Variants in SNX29 observed in about 807,000 individuals in gnomAD.
SNX29 encodes the protein sorting nexin 29.
In SNX29, 78 loss-of-function variants were observed where a neutral mutation model predicts 102.1. That is an observed-to-expected ratio of 0.76 (90% confidence interval 0.64 to 0.92). The LOEUF (loss-of-function observed/expected upper bound fraction) is 0.92. Ranked by LOEUF, SNX29 falls within the 40% of genes least tolerant of loss-of-function variation. The probability of loss-of-function intolerance (pLI) is 0.00; values close to 1 mark genes in which losing one functional copy is unlikely to be tolerated. For missense variants in SNX29, 1,280 were observed against 1,061.7 expected, an observed-to-expected ratio of 1.21 and a Z score of -2.86; for synonymous variants, 580 against 414.5, an observed-to-expected ratio of 1.40 and a Z score of -4.85.
At chr16:11,993,004 A>C (rs1448622576) in intron 1 of SNX29, among the ~76,000 whole-genome samples, 1 of 151,824 alleles carries the variant, frequency 6.6e-6, no homozygotes, top group Non-Finnish European at 1.5e-5. Context: ...TCTACTAAAA[A>C]TACAAAAAAA....
At chr16:12,561,082 A>G (rs540950413) in intron 20 of SNX29, 5 of 225,430 alleles carry the variant, frequency 2.2e-5, no homozygotes, top group African/African-American at 6.7e-5. Context: ...GGATGTCAGC[A>G]TAGTTCACAG....
At chr16:12,303,190 TG>T (rs1372771730) in intron 15 of SNX29, among the ~76,000 whole-genome samples, 1 of 151,444 alleles carries the variant, frequency 6.6e-6, no homozygotes, top group Non-Finnish European at 1.5e-5. Flanking sequence ...TAGTTGCTTT[TG>T]TTTTTTTTAA....
intron 15 of SNX29, among the ~76,000 whole-genome samples, chr16:12,342,910 C>G (rs2081655448): frequency 6.6e-6 from 1 of 152,234 alleles, no homozygotes; most frequent in Non-Finnish European, 1.5e-5. Flanking sequence ...GCTGCATACC[C>G]CTTCCTGGGA....
At chr16:12,189,617 G>A (rs893599038) in intron 13 of SNX29, among the ~76,000 whole-genome samples, 6 of 152,030 alleles carry the variant, frequency 3.9e-5, no homozygotes, top group Admixed American at 3.9e-4. Flanking sequence ...CCTTCACTGT[G>A]GAGTTTCCCC....
Position 12,051,332 on chromosome 16 carries a change from TA to T in SNX29, c.749-499del, listed in dbSNP as rs372899414. On this transcript the variant is annotated intron_variant, in intron 7 of 20. Coordinates refer to ENST00000566228, the MANE Select transcript of SNX29 (RefSeq NM_032167.5). ...CAATAGAGCGAGATGCCCCAACTCT[TA>T]AAAAAAAAAAAAAAAGCAGAGCACT... Among the ~76,000 whole-genome samples the T allele has an allele frequency of 4.1e-3, 560 of 138,128 alleles. 3 individuals are homozygous for T. The highest frequency in any genetic ancestry group is 0.026 in the South Asian group (111 of 4,226). The allele number at this position is 138,128 out of a possible 152,430, so 90.6% of individuals were successfully genotyped here.
intron 14 of SNX29, among the ~76,000 whole-genome samples, chr16:12,204,215 G>A (rs1444257557): frequency 1.3e-5 from 2 of 152,166 alleles, no homozygotes; most frequent in Non-Finnish European, 1.5e-5. Context: ...TGTGCCTGGC[G>A]TGACAGTCCT....
At position 12,422,049 on chromosome 16, in the gene SNX29, A is replaced by G. The variant is rs73515968; in HGVS notation, c.2037+18520A>G. 2.0e-5 allele frequency among the ~76,000 whole-genome samples: 3 copies of G among 151,940 alleles called. 1 individual carries two copies. The Middle Eastern group carries it at 0.01, about 517-fold the overall frequency. ...TCCATAGCATCATCACCTATCATCC[A>G]TATCCTCACCATCATCAAACATTGT... On this transcript the variant is annotated intron_variant, in intron 18 of 20. Transcript: ENST00000566228.
rs548786658 is a variant in SNX29 at position 12,398,881 on chromosome 16, A to G, written c.1955+380A>G. Among the ~76,000 whole-genome samples the G allele has an allele frequency of 2.3e-4, 35 of 152,240 alleles. 1 individual carries two copies. The South Asian group carries it at 7.1e-3, about 31-fold the overall frequency. ...GGGCATGTGCCGTCCAATTGACCAC[A>G]GTTCCCGCTCTTTGCTGTTGCCTGG... On this transcript the variant is annotated intron_variant, in intron 17 of 20. Transcript: ENST00000566228.
At chr16:12,205,276 C>T (rs2941083) in intron 14 of SNX29, among the ~76,000 whole-genome samples, 137,054 of 152,220 alleles carry the variant, frequency 0.9, 63,448 homozygotes, top group East Asian at 1. Context: ...AAAGATGTCT[C>T]GTTTGAGGCA....
rs1314896620 is a variant in SNX29 at position 12,557,906 on chromosome 16, C to G, written c.2319-10600C>G. ...CCTCTGCAGGCAACTGGAGGATTCT[C>G]AAGTCGTCAGGGCAGGCAGGCTGCT... On this transcript the variant is annotated intron_variant, in intron 20 of 20. Coordinates refer to ENST00000566228, the MANE Select transcript of SNX29 (RefSeq NM_032167.5). Among the ~76,000 whole-genome samples the G allele has an allele frequency of 5.3e-5, 8 of 152,308 alleles. No individual in the cohort carries two copies. In the East Asian group the frequency reaches 1.2e-3, roughly 22 times the overall value.
At chr16:12,034,848 TA>T (rs2057430797) in intron 4 of SNX29, among the ~76,000 whole-genome samples, 1 of 151,916 alleles carries the variant, frequency 6.6e-6, no homozygotes, top group Admixed American at 6.6e-5. Context: ...CTGTCTCCAT[TA>T]AAAATACAAA....
Position 12,415,237 on chromosome 16 carries a change from T to C in SNX29, c.2037+11708T>C, listed in dbSNP as rs2084579872. Reference sequence around the variant, plus strand: ...CAGGTTGGAAGTCCTTTCTGCAAGGTATAAGCGCTGTACAAGCGCCACACT... The same window carrying C: ...CAGGTTGGAAGTCCTTTCTGCAAGGCATAAGCGCTGTACAAGCGCCACACT... On this transcript the variant is annotated intron_variant, in intron 18 of 20. Coordinates refer to ENST00000566228, the MANE Select transcript of SNX29 (RefSeq NM_032167.5). 3.9e-5 allele frequency among the ~76,000 whole-genome samples: 6 copies of C among 152,196 alleles called. 1 individual carries two copies. The South Asian group carries it at 1.2e-3, about 32-fold the overall frequency.
intron 16 of SNX29, among the ~76,000 whole-genome samples, chr16:12,393,421 CATTCATTCATTCA>C (rs1468777297): frequency 2.1e-5 from 3 of 140,958 alleles, no homozygotes; most frequent in Non-Finnish European, 4.8e-5. Flanking sequence ...TGCATTCATT[CATTCATTCATTCA>C]GTGTGTTAGT....
chr16:12,329,259 A>G (rs2081221370), intron 15 of SNX29, among the ~76,000 whole-genome samples: 1 of 129,380 alleles, frequency 7.7e-6, no homozygotes, highest in African/African-American at 3.1e-5. Flanking sequence ...CCTGAGCAAC[A>G]TGGTGAGACC....
chr16:11,995,865 G>C (rs938753600), intron 1 of SNX29, among the ~76,000 whole-genome samples: 10 of 151,944 alleles, frequency 6.6e-5, no homozygotes, highest in South Asian at 2.1e-4. Flanking sequence ...TTTAAGACCA[G>C]CCTGGCCAAC....
At chr16:12,284,497 A>C (rs1457491529) in intron 15 of SNX29, among the ~76,000 whole-genome samples, 1 of 152,186 alleles carries the variant, frequency 6.6e-6, no homozygotes, top group Non-Finnish European at 1.5e-5. Context: ...AGTATGTCCA[A>C]ATGCTTTGCC....
intron 10 of SNX29, among the ~76,000 whole-genome samples, chr16:12,076,666 T>C (rs350243): frequency 0.54 from 81,531 of 152,016 alleles, 23,885 homozygotes; most frequent in African/African-American, 0.79. Flanking sequence ...GTGGCAGAAC[T>C]GAAATGGACA....
chr16:12,228,385 G>A (rs542549357), intron 14 of SNX29, among the ~76,000 whole-genome samples: 20 of 152,218 alleles, frequency 1.3e-4, no homozygotes, highest in African/African-American at 3.4e-4. Flanking sequence ...CAGTTGGTCC[G>A]AGTTGGCACT....
intron 20 of SNX29, among the ~76,000 whole-genome samples, chr16:12,528,372 T>C (rs1476473659): frequency 6.6e-6 from 1 of 152,096 alleles, no homozygotes; most frequent in Non-Finnish European, 1.5e-5. Flanking sequence ...AATTTTTGTA[T>C]TTTTTATAGT....
Sources: allele counts gnomAD v4.1 joint callset (sites outside exome capture counted in the v4.1 genomes callset), GRCh38; gene constraint gnomAD v4.1.1; transcripts MANE v1.5; gene names NCBI Gene and HGNC (gene_info 2026-07-23, HGNC 2026-07-21).